Variants in SLC16A1 observed in about 807,000 individuals in gnomAD.
SLC16A1 encodes monocarboxylate transporter 1.
Under a neutral mutation model 32.2 loss-of-function variants are expected in SLC16A1, and 11 were observed. The observed-to-expected ratio is 0.34, with a 90% confidence interval of 0.21 to 0.56. The LOEUF is 0.56. Among genes scored for constraint, SLC16A1 ranks in the 20% least tolerant of loss-of-function variants. SLC16A1 has a pLI of 0.87. For missense variants in SLC16A1, 435 were observed against 615.0 expected (o/e 0.71, Z 3.10); for synonymous variants, 231 against 226.8 (o/e 1.02, Z -0.17).
At chr1:112,942,003 T>C (rs1032575893) in intron 1 of SLC16A1, among the ~76,000 whole-genome samples, 5 of 151,992 alleles carry the variant, frequency 3.3e-5, no homozygotes, top group African/African-American at 1.2e-4. Flanking sequence ...GGAGTTTCAC[T>C]CTTGGTTGCC....
intron 2 of SLC16A1, among the ~76,000 whole-genome samples, chr1:112,926,961 C>G (rs1648962692): frequency 6.7e-6 from 1 of 150,096 alleles, no homozygotes; most frequent in African/African-American, 2.5e-5. Context: ...GAGACCCCAT[C>G]TCTACTTAAC....
chr1:112,931,372 G>A (rs908182805), intron 1 of SLC16A1, among the ~76,000 whole-genome samples: 4 of 151,956 alleles, frequency 2.6e-5, no homozygotes, highest in African/African-American at 7.2e-5. Context: ...TAGGCCAGGC[G>A]CAGTGGCTCA....
intron 1 of SLC16A1, among the ~76,000 whole-genome samples, chr1:112,945,042 A>C (rs1649648364): frequency 7.1e-6 from 1 of 140,212 alleles, no homozygotes; most frequent in African/African-American, 2.7e-5. Flanking sequence ...TCTGTCACCC[A>C]GGCTGGAGTG....
chr1:112,934,380 C>T (rs901575996), intron 1 of SLC16A1, among the ~76,000 whole-genome samples: 7 of 152,264 alleles, frequency 4.6e-5, no homozygotes, highest in African/African-American at 1.7e-4. Flanking sequence ...GAAAACAGAT[C>T]AGTGGCTACC....
intron 2 of SLC16A1, chr1:112,923,476 C>A: frequency 1.3e-6 from 1 of 797,132 alleles, no homozygotes; most frequent in South Asian, 1.4e-5. Flanking sequence ...GCCGTAGTCA[C>A]CCGCGCCTTC....
In SLC16A1 at chr1:112,917,224, C is replaced by T. The variant is rs1300167887; in HGVS notation, c.1182G>A (p.Val394=). ...PQRFSSAVGL[V]TIVECCPVLL... The stretch of plus-strand genomic sequence containing the variant: ...GGACAGGACAGCATTCCACAATGGT[C>T]ACCAATCCCACAGCGCTGGAGAACC... The change falls in exon 4 of 5, where the codon GTG becomes GTA. Residue 394 remains valine, a synonymous_variant. Transcript: ENST00000369626. The surrounding 1 kb of genome is among the most constrained non-coding windows in gnomAD (Gnocchi z 4.1). 6.2e-7 allele frequency: 1 copy of T among 1,614,182 alleles called. No individual in the cohort carries two copies. Among genetic ancestry groups the T allele is most frequent in the Non-Finnish European group, 8.5e-7 (1 of 1,180,044 alleles).
intron 1 of SLC16A1, among the ~76,000 whole-genome samples, chr1:112,936,270 G>T (rs1444523662): frequency 6.6e-6 from 1 of 151,998 alleles, no homozygotes; most frequent in Non-Finnish European, 1.5e-5. Flanking sequence ...CACTTTGGGA[G>T]GCCGAGGCGG....
At chr1:112,932,526 G>C (rs1283038812) in intron 1 of SLC16A1, among the ~76,000 whole-genome samples, 1 of 152,086 alleles carries the variant, frequency 6.6e-6, no homozygotes, top group South Asian at 2.1e-4. Context: ...GTCTCGGCCA[G>C]GTGCGGTGGC....
chr1:112,923,452 C>T lies in SLC16A1; in HGVS notation c.218-1319G>A, dbSNP rs544156392. On this transcript the variant is annotated intron_variant, in intron 2 of 4. Transcript: ENST00000369626. ...CCCGGCCCTCCACGGTGTTGGGTGC[C>T]ATGGAGATGGGGCGCCGTAGTCACC... is the stretch of plus-strand genomic sequence containing the variant. The T allele has an allele frequency of 6.8e-5, 49 of 721,022 alleles. No individual in the cohort carries two copies. In the African/African-American group the frequency reaches 7.0e-4, roughly 10 times the overall value. 44.7% of individuals were successfully genotyped at this position (721,022 alleles called of 1,614,324 possible). A position where few individuals can be genotyped will look rare whatever the true frequency, so the allele number is the denominator to read the frequency against.
intron 1 of SLC16A1, among the ~76,000 whole-genome samples, chr1:112,939,757 G>A (rs916239588): frequency 2.0e-5 from 3 of 151,666 alleles, no homozygotes; most frequent in African/African-American, 4.8e-5. Context: ...CACCCACCTC[G>A]GTCTCCCAAA....
intron 2 of SLC16A1, among the ~76,000 whole-genome samples, chr1:112,928,081 T>C (rs549376618): frequency 6.6e-6 from 1 of 152,306 alleles, no homozygotes; most frequent in Admixed American, 6.5e-5. Flanking sequence ...TTAGGTTCTT[T>C]AATTTGATAG....
rs1648420470 is a variant in SLC16A1 at position 112,914,118 on chromosome 1, A to C, written c.1276T>G (p.Cys426Gly). Residue 426 changes from cysteine (C) to glycine (G), a missense_variant, in exon 5 of 5, where the codon TGT becomes GGT. By Grantham distance (159) the Cys-to-Gly change is radical. Coordinates refer to ENST00000369626, the MANE Select transcript of SLC16A1 (RefSeq NM_003051.4). ...CCTGAAATAATTAGGACGACGCCAC[A>C]TGCCCAGTATGTGTATTTGTAGTCT... The part of the protein sequence containing the change: ...YGDYKYTYWA[C>G]GVVLIISGIY... 3.1e-6 allele frequency: 5 copies of C among 1,614,200 alleles called. No homozygotes were observed. The highest frequency in any genetic ancestry group is 3.4e-6 in the Non-Finnish European group (4 of 1,180,016).
At chr1:112,950,460 G>A (rs542460366) in intron 1 of SLC16A1, among the ~76,000 whole-genome samples, 20 of 152,266 alleles carry the variant, frequency 1.3e-4, no homozygotes, top group African/African-American at 4.6e-4. Flanking sequence ...TATAGCTTAC[G>A]ATATCAGTAG....
At chr1:112,921,471 CA>C (rs34491149) in intron 3 of SLC16A1, among the ~76,000 whole-genome samples, 1 of 151,348 alleles carries the variant, frequency 6.6e-6, no homozygotes, top group Non-Finnish European at 1.5e-5. Flanking sequence ...CTTTTTTGCT[CA>C]AAAAAAGGTG....
At chr1:112,933,089 G>T (rs981688384) in intron 1 of SLC16A1, among the ~76,000 whole-genome samples, 8 of 152,050 alleles carry the variant, frequency 5.3e-5, no homozygotes, top group African/African-American at 1.9e-4. Context: ...ATACTGAGAA[G>T]TTAAAATAGA....
At position 112,921,874 on chromosome 1, in the gene SLC16A1, T is replaced by A. The variant is rs1274017570; in HGVS notation, c.361+116A>T. The A allele has an allele frequency of 6.4e-6, 8 of 1,255,494 alleles. No homozygotes were observed. In the East Asian group the frequency reaches 1.9e-4, roughly 30 times the overall value. 77.8% of individuals were successfully genotyped at this position (1,255,494 alleles called of 1,614,324 possible). A position where few individuals can be genotyped will look rare whatever the true frequency, so the allele number is the denominator to read the frequency against. ...TATCTCTAGTTCTTCAAAATGATAA[T>A]CAAGTCATTTCTATAAGAAAAGAAT... On this transcript the variant is annotated intron_variant, in intron 3 of 4. Coordinates refer to ENST00000369626, the MANE Select transcript of SLC16A1 (RefSeq NM_003051.4).
At chr1:112,935,077 A>G (rs1331395944) in intron 1 of SLC16A1, among the ~76,000 whole-genome samples, 5 of 151,514 alleles carry the variant, frequency 3.3e-5, no homozygotes, top group Non-Finnish European at 7.3e-5. Context: ...TCTAAAAAAG[A>G]TCCATAGAAG....
At chr1:112,916,494 C>CT (rs1648515301) in intron 4 of SLC16A1, among the ~76,000 whole-genome samples, 2 of 64,390 alleles carry the variant, frequency 3.1e-5, no homozygotes, top group Admixed American at 2.0e-4. Context: ...CCAAGACTGT[C>CT]TTAAAAAAAA....
Position 112,919,053 on chromosome 1 carries a change from CAG to C in SLC16A1, c.362-1011_362-1010del, listed in dbSNP as rs1274442226. Among the ~76,000 whole-genome samples, 8 of 79,844 alleles carry C rather than the reference CAG, an allele frequency of 1.0e-4. No individual in the cohort carries two copies. In the East Asian group the frequency reaches 1.5e-3, roughly 15 times the overall value. The allele number at this position is 79,844 out of a possible 152,430, so 52.4% of individuals were successfully genotyped here. Reference sequence around the variant, plus strand: ...TTTATTTATTTATTTATTTTTGAGACAGAGTCTTGCTCTGCCGCCCAGGCTGG... The same window carrying C: ...TTTATTTATTTATTTATTTTTGAGACAGTCTTGCTCTGCCGCCCAGGCTGG... On this transcript the variant is annotated intron_variant, in intron 3 of 4. Coordinates refer to ENST00000369626, the MANE Select transcript of SLC16A1 (RefSeq NM_003051.4).
Sources: allele counts gnomAD v4.1 joint callset (sites outside exome capture counted in the v4.1 genomes callset), GRCh38; gene constraint gnomAD v4.1.1; non-coding constraint Gnocchi (gnomAD v3.1); transcripts MANE v1.5; gene names NCBI Gene and HGNC (gene_info 2026-07-23, HGNC 2026-07-21).